GON4L: variants seen among roughly 807,000 people sequenced by gnomAD.
The protein encoded by GON4L is GON-4-like protein.
A neutral mutation model predicts 211.8 loss-of-function variants in GON4L; 87 were observed. That is an observed-to-expected ratio of 0.41 (90% CI 0.35 to 0.49). The LOEUF is 0.49. Ranked by LOEUF, GON4L falls within the 20% of genes least tolerant of loss-of-function variation. The pLI is 0.15. For synonymous variants in GON4L, 875 were observed against 962.6 expected (o/e 0.91, Z 1.68); for missense variants, 2,155 against 2,659.5 (o/e 0.81, Z 4.17).
chr1:155,781,533 G>C (rs1179394888), intron 14 of GON4L, among the ~76,000 whole-genome samples: 2 of 151,892 alleles, frequency 1.3e-5, no homozygotes, highest in African/African-American at 4.8e-5. Flanking sequence ...CATGATCTTG[G>C]CTCATTGCAA....
chr1:155,781,126 A>T (rs894494441), intron 14 of GON4L, among the ~76,000 whole-genome samples: 3 of 151,260 alleles, frequency 2.0e-5, no homozygotes, highest in African/African-American at 4.9e-5. Context: ...TGTATTTTTT[A>T]TTATTATTAT....
intron 11 of GON4L, among the ~76,000 whole-genome samples, chr1:155,800,139 C>T (rs1019187395): frequency 6.6e-6 from 1 of 151,486 alleles, no homozygotes; most frequent in Non-Finnish European, 1.5e-5. Flanking sequence ...GCAGAGGTTG[C>T]GGTGAGCTGA....
Position 155,763,553 on chromosome 1 carries a change from C to T in GON4L, c.4485G>A (p.Glu1495=). Residue 1495 remains glutamate, a synonymous_variant, in exon 22 of 32, where the codon GAG becomes GAA. Transcript: ENST00000368331. ...TTTCAGATGCCAGCCAAGTCAGTTT[C>T]TCCATTGTTTCCTGTAAAACCCTCC... is the stretch of plus-strand genomic sequence containing the variant. The part of the protein sequence containing the change: ...LSVPELQETM[E]KLTWLASERR... The T allele has an allele frequency of 6.5e-7, 1 of 1,545,722 alleles. No homozygotes were observed. Among genetic ancestry groups the T allele is most frequent in the South Asian group, 1.2e-5 (1 of 83,936 alleles).
chr1:155,763,687 G>A, intron 21 of GON4L, 123 bp from the exon 22 acceptor site: 1 of 848,812 alleles, frequency 1.2e-6, no homozygotes, highest in Non-Finnish European at 1.8e-6. Flanking sequence ...GCTGTCCTGA[G>A]GGGAATTCCT....
chr1:155,763,205 C>A (rs1002694323), intron 22 of GON4L, 107 bp downstream of exon 22: 105 of 1,035,850 alleles, frequency 1.0e-4, no homozygotes, highest in Middle Eastern at 9.1e-4. Context: ...AGAGGGTTTC[C>A]TCTGGAAATC....
At chr1:155,777,485 A>G in intron 15 of GON4L, 137 bp downstream of exon 15, 1 of 737,410 alleles carries the variant, frequency 1.4e-6, no homozygotes, top group South Asian at 1.5e-5. Context: ...AGGCTGAGGC[A>G]GGAGAAATGC....
Position 155,766,526 on chromosome 1 carries a change from G to C in GON4L, c.2947C>G (p.Pro983Ala). 6.2e-7 allele frequency: 1 copy of C among 1,614,096 alleles called. No individual in the cohort carries two copies. Among genetic ancestry groups the C allele is most frequent in the South Asian group, 1.1e-5 (1 of 91,064 alleles). ...TTCCTGGGGAAACGGGTGGCAACTGGCTTCAGTTTCAGGACTACACCCTTA... is the reference window on the plus strand; with the variant it reads ...TTCCTGGGGAAACGGGTGGCAACTGCCTTCAGTTTCAGGACTACACCCTTA... ...LPKGVVLKLK[P>A]VATRFPRKAW... The change falls in exon 21 of 32, where the codon CCA becomes GCA. Residue 983 changes from proline to alanine, a missense_variant. Pro to Ala is a conservative substitution (Grantham distance 27). This residue lies in a region of GON4L where 615 missense variants were observed against 625.7 expected (regional missense o/e 0.98). Coordinates refer to ENST00000368331, the MANE Select transcript of GON4L (RefSeq NM_001282860.2).
chr1:155,836,631 A>G (rs1032831691), intron 2 of GON4L, among the ~76,000 whole-genome samples: 1 of 152,308 alleles, frequency 6.6e-6, no homozygotes, highest in Non-Finnish European at 1.5e-5. Flanking sequence ...AATGGGGAAT[A>G]GTGTCTCTGG....
intron 12 of GON4L, among the ~76,000 whole-genome samples, chr1:155,792,805 G>A (rs906674025): frequency 1.3e-5 from 2 of 152,142 alleles, no homozygotes; most frequent in Admixed American, 6.6e-5. Context: ...GACCCAGGCT[G>A]GAGTACAGTG....
chr1:155,748,668 C>A, downstream of GON4L: 1 of 1,613,508 alleles, frequency 6.2e-7, no homozygotes, highest in Non-Finnish European at 8.5e-7. Context: ...TCCTGATTCC[C>A]TGATGCAGTT....
At chr1:155,790,056 T>C (rs1264231822) in intron 12 of GON4L, among the ~76,000 whole-genome samples, 1 of 152,050 alleles carries the variant, frequency 6.6e-6, no homozygotes, top group African/African-American at 2.4e-5. Flanking sequence ...CTCCTGACTC[T>C]GTCTCCAGAG....
chr1:155,756,986 T>C lies in GON4L; in HGVS notation c.5489A>G (p.Lys1830Arg). 6.2e-7 allele frequency: 1 copy of C among 1,613,680 alleles called. No individual in the cohort carries two copies. The highest frequency in any genetic ancestry group is 8.5e-7 in the Non-Finnish European group (1 of 1,179,630). ...IPTASKNKRK[K>R]EIGVQNHDKE... The stretch of plus-strand genomic sequence containing the variant: ...ATCATGATTTTGGACCCCGATCTCT[T>C]TTTTCCTCTTGTTCTTTGAGGCTGT... Residue 1830 changes from lysine (K) to arginine (R), a missense_variant, in exon 27 of 32, where the codon AAA (lysine) becomes AGA (arginine). Coordinates refer to ENST00000368331, the MANE Select transcript of GON4L (RefSeq NM_001282860.2).
chr1:155,785,255 C>G (rs1557860347), intron 13 of GON4L, 79 bp downstream of exon 13: 4 of 891,632 alleles, frequency 4.5e-6, no homozygotes, highest in Non-Finnish European at 7.7e-6. Flanking sequence ...CTAGAGGGAG[C>G]ATCACAGAGA....
chr1:155,811,597 A>T (rs1451386559), intron 10 of GON4L, among the ~76,000 whole-genome samples: 5 of 150,116 alleles, frequency 3.3e-5, no homozygotes, highest in Non-Finnish European at 4.4e-5. Flanking sequence ...CTCTACTAAA[A>T]ATACAAAAAA....
At chr1:155,808,781 G>T (rs765818427) in intron 10 of GON4L, among the ~76,000 whole-genome samples, 43 of 151,846 alleles carry the variant, frequency 2.8e-4, no homozygotes, top group Non-Finnish European at 4.1e-4. Context: ...GCTAAGTTTT[G>T]TGTTTTTTTT....
chr1:155,778,333 C>T (rs1664045119), intron 14 of GON4L, among the ~76,000 whole-genome samples: 1 of 152,070 alleles, frequency 6.6e-6, no homozygotes, highest in African/African-American at 2.4e-5. Context: ...CTCACTGCAA[C>T]CTCCGCCTCC....
intron 14 of GON4L, among the ~76,000 whole-genome samples, chr1:155,781,079 A>C (rs996233428): frequency 6.6e-6 from 1 of 152,092 alleles, no homozygotes; most frequent in African/African-American, 2.4e-5. Flanking sequence ...CCAGAAGCAT[A>C]AAAAAGTAGG....
At chr1:155,829,256 G>A (rs1669520481) in intron 2 of GON4L, among the ~76,000 whole-genome samples, 1 of 152,122 alleles carries the variant, frequency 6.6e-6, no homozygotes, top group South Asian at 2.1e-4. Context: ...TCCTAAAAGT[G>A]AGTAGCATGA....
chr1:155,748,837 T>C (rs1000346562), downstream of GON4L: 5 of 1,546,840 alleles, frequency 3.2e-6, no homozygotes, highest in African/African-American at 5.5e-5. Flanking sequence ...TTGTTTCATG[T>C]CCTTTTCCCC....
Sources: allele counts gnomAD v4.1 joint callset (sites outside exome capture counted in the v4.1 genomes callset), GRCh38; gene constraint gnomAD v4.1.1; regional missense constraint gnomAD v4.1.1; transcripts MANE v1.5; gene names NCBI Gene and HGNC (gene_info 2026-07-23, HGNC 2026-07-21).